Variants in METAP1D observed in about 807,000 individuals in gnomAD.
The protein encoded by METAP1D is methionyl aminopeptidase type 1D, mitochondrial.
METAP1D carries 31 observed loss-of-function variants against 40.5 expected under a neutral mutation model. That is an observed-to-expected ratio of 0.77 (90% confidence interval 0.58 to 1.03). The LOEUF (loss-of-function observed/expected upper bound fraction) is 1.03, where lower values mean the gene tolerates loss of function less well. Among genes scored for constraint, METAP1D ranks in the 50% least tolerant of loss-of-function variants. The pLI, the probability that METAP1D is intolerant of heterozygous loss-of-function variation, is 0.00. For missense variants in METAP1D, 411 were observed against 420.7 expected, an observed-to-expected ratio of 0.98 and a Z score of 0.20; for synonymous variants, 151 against 146.4, an observed-to-expected ratio of 1.03 and a Z score of -0.22.
chr2:172,012,842 G>A (rs1688762917), intron 1 of METAP1D, among the ~76,000 whole-genome samples: 1 of 151,872 alleles, frequency 6.6e-6, no homozygotes, highest in Admixed American at 6.6e-5. Flanking sequence ...TTCCTTCCCG[G>A]TACAAATTCT....
At chr2:172,033,367 T>G (rs1340575110) in intron 1 of METAP1D, among the ~76,000 whole-genome samples, 1 of 151,968 alleles carries the variant, frequency 6.6e-6, no homozygotes, top group Non-Finnish European at 1.5e-5. Context: ...ATTTTTTTTT[T>G]TTTTGAGACG....
chr2:172,034,076 C>CAAA (rs1491369972), intron 1 of METAP1D, among the ~76,000 whole-genome samples: 8 of 39,034 alleles, frequency 2.0e-4, no homozygotes, highest in Non-Finnish European at 2.6e-4. Context: ...GACTTCATCT[C>CAAA]AAAAAAAAAA....
intron 1 of METAP1D, among the ~76,000 whole-genome samples, chr2:172,008,025 CTT>C (rs60404224): frequency 2.2e-5 from 3 of 138,004 alleles, no homozygotes; most frequent in Admixed American, 1.5e-4. Context: ...TTTACTTTCC[CTT>C]TTTTTTTTTT....
At chr2:172,071,126 G>C in intron 6 of METAP1D, 56 bp downstream of exon 6, 8 of 1,434,288 alleles carry the variant, frequency 5.6e-6, no homozygotes, top group Non-Finnish European at 7.4e-6. Flanking sequence ...AAAGGTTATT[G>C]GTGGCTTGGT....
At chr2:172,006,246 G>C (rs1275038784) in intron 1 of METAP1D, among the ~76,000 whole-genome samples, 3 of 151,204 alleles carry the variant, frequency 2.0e-5, no homozygotes, top group African/African-American at 2.4e-5. Context: ...TGCAGTGGCG[G>C]GATCTCGGCT....
At chr2:172,008,404 T>C (rs1394398519) in intron 1 of METAP1D, among the ~76,000 whole-genome samples, 1 of 152,222 alleles carries the variant, frequency 6.6e-6, no homozygotes, top group African/African-American at 2.4e-5. Context: ...TGACAGGCCC[T>C]GTCCCAGCAA....
chr2:172,069,266 T>G (rs186077410), intron 5 of METAP1D, among the ~76,000 whole-genome samples: 1 of 152,344 alleles, frequency 6.6e-6, no homozygotes, highest in African/African-American at 2.4e-5. Context: ...GAATAAAGAT[T>G]TTTTAAAATA....
At chr2:172,079,657 C>G (rs1242281917) in intron 8 of METAP1D, among the ~76,000 whole-genome samples, 4 of 152,126 alleles carry the variant, frequency 2.6e-5, no homozygotes, top group Non-Finnish European at 5.9e-5. Context: ...ATTCCAGTCA[C>G]CTAGGGCCGT....
rs145193493 is a variant in METAP1D, at chr2:172,072,152, T to A, written c.704+1082T>A. Among the ~76,000 whole-genome samples the A allele has an allele frequency of 4.7e-4, 72 of 152,332 alleles. No homozygotes were observed. The East Asian group carries it at 0.013, about 27-fold the overall frequency. ...CTGTTCTTTCATAGGAAATGTTGAA[T>A]CAGACCCCTACTGGGAAAAGAAATT... On this transcript the variant is annotated intron_variant, in intron 6 of 9. Coordinates refer to ENST00000315796, the MANE Select transcript of METAP1D (RefSeq NM_199227.3).
At chr2:172,060,252 C>CA (rs960548468) in intron 1 of METAP1D, among the ~76,000 whole-genome samples, 2 of 151,392 alleles carry the variant, frequency 1.3e-5, no homozygotes, top group African/African-American at 4.9e-5. Flanking sequence ...CCCATCTCTA[C>CA]AAAAAATACA....
At chr2:172,061,409 T>A in intron 1 of METAP1D, 89 bp from the exon 2 acceptor site, 1 of 1,159,466 alleles carries the variant, frequency 8.6e-7, no homozygotes, top group Non-Finnish European at 1.2e-6. Context: ...ATTAGAATAA[T>A]GATTTAATAG....
Position 172,045,813 on chromosome 2 carries a change from GTGTGTGTATATATATATATATATA to G in METAP1D, c.41-15683_41-15660del, listed in dbSNP as rs1433592975. Among the ~76,000 whole-genome samples, 9 of 39,382 alleles carry G rather than the reference GTGTGTGTATATATATATATATATA, an allele frequency of 2.3e-4. 1 individual carries two copies. The highest frequency in any genetic ancestry group is 2.7e-4 in the African/African-American group (3 of 11,196). 25.8% of individuals were successfully genotyped at this position (39,382 alleles called of 152,430 possible). A position where few individuals can be genotyped will look rare whatever the true frequency, so the allele number is the denominator to read the frequency against. ...TATGTATATATGTGTGTGTGTGTGT[GTGTGTGTATATATATATATATATA>G]TATATATATATATATATATATATAT... is the stretch of plus-strand genomic sequence containing the variant. On this transcript the variant is annotated intron_variant, in intron 1 of 9. Coordinates refer to ENST00000315796, the MANE Select transcript of METAP1D (RefSeq NM_199227.3).
chr2:172,075,780 G>A (rs1203728574), intron 6 of METAP1D, among the ~76,000 whole-genome samples: 1 of 152,216 alleles, frequency 6.6e-6, no homozygotes, highest in African/African-American at 2.4e-5. Context: ...GCAAACAGGA[G>A]TGTATACTCA....
intron 7 of METAP1D, 68 bp downstream of exon 7, chr2:172,077,962 C>A: frequency 1.2e-6 from 1 of 837,310 alleles, no homozygotes; most frequent in Non-Finnish European, 2.0e-6. Flanking sequence ...GACCCTGAAG[C>A]TCTTCCTCTG....
At chr2:172,017,856 C>T (rs969338221) in intron 1 of METAP1D, among the ~76,000 whole-genome samples, 4 of 152,022 alleles carry the variant, frequency 2.6e-5, no homozygotes, top group Admixed American at 6.6e-5. Context: ...GGGCTGGGCG[C>T]GGTGGCTTAC....
At chr2:172,029,160 C>T (rs1006581841) in intron 1 of METAP1D, among the ~76,000 whole-genome samples, 7 of 152,174 alleles carry the variant, frequency 4.6e-5, no homozygotes, top group African/African-American at 1.2e-4. Context: ...GTAATCCCAG[C>T]GCTTTGGGAG....
chr2:172,034,244 AT>A (rs1380508937), intron 1 of METAP1D, among the ~76,000 whole-genome samples: 2 of 152,190 alleles, frequency 1.3e-5, no homozygotes, highest in Non-Finnish European at 2.9e-5. Flanking sequence ...TTGAAGCTGA[AT>A]GATAGATACA....
intron 1 of METAP1D, among the ~76,000 whole-genome samples, chr2:172,022,844 C>T (rs1689036125): frequency 6.6e-6 from 1 of 151,970 alleles, no homozygotes; most frequent in Non-Finnish European, 1.5e-5. Context: ...TCTTTTTCTC[C>T]ATACTAGCTA....
At chr2:172,071,521 T>A (rs1690420679) in intron 6 of METAP1D, among the ~76,000 whole-genome samples, 1 of 152,204 alleles carries the variant, frequency 6.6e-6, no homozygotes, top group Non-Finnish European at 1.5e-5. Flanking sequence ...CAAGCAAGCC[T>A]TACCTTTCAA....
Sources: allele counts gnomAD v4.1 joint callset (sites outside exome capture counted in the v4.1 genomes callset), GRCh38; gene constraint gnomAD v4.1.1; transcripts MANE v1.5; gene names NCBI Gene and HGNC (gene_info 2026-07-23, HGNC 2026-07-21).